Variants in ZFAND6 observed in about 807,000 individuals in gnomAD.
ZFAND6 encodes the protein AN1-type zinc finger protein 6.
In ZFAND6, 12 loss-of-function variants were observed where a neutral mutation model predicts 24.5. The ratio of observed to expected loss-of-function variants is 0.49; its 90% CI spans 0.31 to 0.79. The LOEUF is 0.79. Among genes scored for constraint, ZFAND6 ranks in the 30% least tolerant of loss-of-function variants. ZFAND6 has a pLI of 0.04. For missense variants in ZFAND6, 207 were observed against 245.9 expected (o/e 0.84, Z 1.06); for synonymous variants, 92 against 81.5 (o/e 1.13, Z -0.69).
chr15:80,135,893 G>T (rs1261868580), intron 6 of ZFAND6, among the ~76,000 whole-genome samples: 2 of 152,270 alleles, frequency 1.3e-5, no homozygotes, highest in Non-Finnish European at 2.9e-5. Context: ...GGAGGCCAAG[G>T]TGGGAGGATC....
rs2040738286 is a variant in ZFAND6, at chr15:80,133,956, G to GC, written c.478+2664dup. Among the ~76,000 whole-genome samples, 3 of 150,392 alleles carry GC rather than the reference G, an allele frequency of 2.0e-5. No homozygotes were observed. The South Asian group carries it at 6.3e-4, about 32-fold the overall frequency. On this transcript the variant is annotated intron_variant, in intron 6 of 6. Coordinates refer to ENST00000261749, the MANE Select transcript of ZFAND6 (RefSeq NM_019006.4). ...TGTCCCTGAAATCAGAAAGTATCTT[G>GC]CTAGTAAGGGACTGCCTTTTAAAGT...
intron 1 of ZFAND6, among the ~76,000 whole-genome samples, chr15:80,070,840 A>G (rs528487558): frequency 6.6e-6 from 1 of 152,066 alleles, no homozygotes; most frequent in African/African-American, 2.4e-5. Context: ...GGCCATCTAC[A>G]GTCACTTTTC....
intron 1 of ZFAND6, among the ~76,000 whole-genome samples, chr15:80,074,882 A>C (rs911120941): frequency 3.3e-5 from 5 of 152,054 alleles, no homozygotes; most frequent in Admixed American, 2.6e-4. Flanking sequence ...CAATTCTAAG[A>C]CAATCATATT....
chr15:80,131,288 T>C lies in ZFAND6; in HGVS notation c.473T>C (p.Leu158Pro). 6.2e-7 allele frequency: 1 copy of C among 1,612,742 alleles called. No homozygotes were observed. ...TTCATGTGCAGGAAGAAAGTGGGAC[T>C]TACTGGTAAGGACCTAAATCAAATG... is the stretch of plus-strand genomic sequence containing the variant. ...RCFMCRKKVGLTGFECRCGNV... is the reference protein window; with the variant it reads ...RCFMCRKKVGPTGFECRCGNV... The change falls in exon 6 of 7, where the codon CTT (leucine) becomes CCT (proline). Residue 158 changes from leucine to proline, a missense_variant. Coordinates refer to ENST00000261749, the MANE Select transcript of ZFAND6 (RefSeq NM_019006.4).
chr15:80,100,055 G>C (rs2038954750), intron 2 of ZFAND6, among the ~76,000 whole-genome samples: 1 of 152,174 alleles, frequency 6.6e-6, no homozygotes, highest in African/African-American at 2.4e-5. Context: ...TTGGTCAGTA[G>C]ATACATAACA....
intron 4 of ZFAND6, among the ~76,000 whole-genome samples, 167 bp from the exon 5 acceptor site, chr15:80,122,533 G>A (rs1390677087): frequency 6.6e-6 from 1 of 151,984 alleles, no homozygotes; most frequent in Non-Finnish European, 1.5e-5. Context: ...GTCCAAATTA[G>A]TCTCTAGTTT....
intron 1 of ZFAND6, among the ~76,000 whole-genome samples, chr15:80,081,900 G>T (rs1214692968): frequency 6.6e-6 from 1 of 152,180 alleles, no homozygotes; most frequent in Admixed American, 6.5e-5. Context: ...TGGGAAGAAA[G>T]ATAAGCCAAG....
intron 3 of ZFAND6, among the ~76,000 whole-genome samples, chr15:80,121,506 G>T (rs558720916): frequency 6.6e-6 from 1 of 152,318 alleles, no homozygotes; most frequent in Admixed American, 6.5e-5. Flanking sequence ...ACAATTTGCA[G>T]ATGGTTTCCT....
chr15:80,137,660 C>T lies in ZFAND6; in HGVS notation c.*32C>T, dbSNP rs2040924353. 2 of 1,541,586 alleles carry T rather than the reference C, an allele frequency of 1.3e-6. No individual in the cohort carries two copies. Among genetic ancestry groups the T allele is most frequent in the Admixed American group, 2.3e-5 (1 of 43,826 alleles). On this transcript the variant is annotated 3_prime_UTR_variant, in exon 7 of 7. Transcript: ENST00000261749. ...GCTGGAATACAAAATTCTTGAGCAT[C>T]TGCAAACTAAAAATTGACTTGAGGT...
chr15:80,098,843 T>TA (rs1162798392), intron 2 of ZFAND6, among the ~76,000 whole-genome samples: 1 of 152,124 alleles, frequency 6.6e-6, no homozygotes, highest in Non-Finnish European at 1.5e-5. Flanking sequence ...GAATCTGCAT[T>TA]ACTAATTTAT....
At chr15:80,091,906 C>T (rs559603031) in intron 1 of ZFAND6, among the ~76,000 whole-genome samples, 1 of 152,298 alleles carries the variant, frequency 6.6e-6, no homozygotes, top group Admixed American at 6.5e-5. Context: ...TCCCAAAGTG[C>T]TGAGATTACA....
chr15:80,119,223 C>A (rs540175675), intron 2 of ZFAND6, among the ~76,000 whole-genome samples: 1 of 152,210 alleles, frequency 6.6e-6, no homozygotes, highest in South Asian at 2.1e-4. Context: ...TCCCTCAGTC[C>A]CAGCATCACT....
At chr15:80,130,971 C>T (rs1042062401) in intron 5 of ZFAND6, 2 of 420,346 alleles carry the variant, frequency 4.8e-6, no homozygotes, top group Admixed American at 3.9e-5. Context: ...CATATCATTA[C>T]ATATTCTAGA....
At chr15:80,099,652 C>G (rs1056669924) in intron 2 of ZFAND6, among the ~76,000 whole-genome samples, 5 of 119,126 alleles carry the variant, frequency 4.2e-5, no homozygotes, top group African/African-American at 1.2e-4. Context: ...GAGTCTCACT[C>G]TGTCGCCCAG....
intron 1 of ZFAND6, chr15:80,060,105 G>A (rs2036241379): frequency 6.6e-6 from 1 of 151,954 alleles, no homozygotes; most frequent in Non-Finnish European, 1.5e-5. Context: ...GGTCGCGCTG[G>A]GGTCGGGAGC....
chr15:80,112,665 G>A (rs926306342), intron 2 of ZFAND6: 2 of 404,182 alleles, frequency 4.9e-6, no homozygotes, highest in East Asian at 1.5e-4. Flanking sequence ...CAAAGTGCTG[G>A]GATTACAGGC....
intron 6 of ZFAND6, among the ~76,000 whole-genome samples, chr15:80,135,194 G>T (rs1010238246): frequency 6.6e-6 from 1 of 152,054 alleles, no homozygotes; most frequent in Non-Finnish European, 1.5e-5. Flanking sequence ...TCTTCCTTGT[G>T]ATTTTCTGAA....
intron 1 of ZFAND6, among the ~76,000 whole-genome samples, chr15:80,085,136 T>G (rs1400719318): frequency 6.6e-6 from 1 of 152,152 alleles, no homozygotes; most frequent in Non-Finnish European, 1.5e-5. Context: ...AAAAGGGGAG[T>G]GAGTTCTGTG....
chr15:80,121,819 A>G lies in ZFAND6; in HGVS notation c.262A>G (p.Ser88Gly), dbSNP rs1428062111. The G allele has an allele frequency of 6.8e-6, 11 of 1,610,710 alleles. No homozygotes were observed. Among genetic ancestry groups the G allele is most frequent in the Non-Finnish European group, 7.6e-6 (9 of 1,177,388 alleles). Residue 88 changes from serine to glycine, a missense_variant and splice_region_variant, in exon 4 of 7, where the codon AGC (serine) becomes GGC (glycine). This residue lies in a region of ZFAND6 where 133 missense variants were observed against 122.8 expected (regional missense o/e 1.08). Transcript: ENST00000261749. ...LDSTSSSMQPSPVSNQSLLSE... is the reference protein window; with the variant it reads ...LDSTSSSMQPGPVSNQSLLSE... Reference sequence around the variant, plus strand: ...CTCTACATCTTCATCTATGCAGCCCAGGTAAGATGTACTCTCTGAATTCTA... The same window carrying G: ...CTCTACATCTTCATCTATGCAGCCCGGGTAAGATGTACTCTCTGAATTCTA...
Sources: gnomAD v4.1 joint callset for allele counts (sites outside exome capture counted in the v4.1 genomes callset) on GRCh38, gnomAD v4.1.1 for gene constraint, gnomAD v4.1.1 regional missense constraint, MANE v1.5 for transcripts, NCBI Gene and HGNC (gene_info 2026-07-23, HGNC 2026-07-21) for gene names.